Variants in LRRC7 observed in about 807,000 individuals in gnomAD.
LRRC7 encodes the protein leucine-rich repeat-containing protein 7.
In LRRC7, 23 loss-of-function variants were observed where a neutral mutation model predicts 175.7. The observed-to-expected ratio is 0.13, with a 90% confidence interval of 0.09 to 0.19. LRRC7 has a LOEUF of 0.19. Ranked by LOEUF, LRRC7 falls within the 10% of genes least tolerant of loss-of-function variation. The pLI, the probability that LRRC7 is intolerant of heterozygous loss-of-function variation, is 1.00. For synonymous variants in LRRC7, 685 were observed against 680.9 expected (o/e 1.01, Z -0.09); for missense variants, 1,354 against 1,904.7 (o/e 0.71, Z 5.38).
chr1:70,076,214 T>C lies in LRRC7; in HGVS notation c.4368T>C (p.Ser1456=). The part of the protein sequence containing the change: ...FQSPLPIQIP[S]SQATRGPQPG... ...CACCATTGCCTATTCAGATCCCCTCTTCACAGGCCACCCGGGGACCTCAGC... is the reference window on the plus strand; with the variant it reads ...CACCATTGCCTATTCAGATCCCCTCCTCACAGGCCACCCGGGGACCTCAGC... The change falls in exon 24 of 27, where the codon TCT becomes TCC. Residue 1456 remains serine (S), a synonymous_variant. Coordinates refer to ENST00000651989, the MANE Select transcript of LRRC7 (RefSeq NM_001370785.2). 1.2e-6 allele frequency: 2 copies of C among 1,614,082 alleles called. No individual in the cohort carries two copies. Among genetic ancestry groups the C allele is most frequent in the Non-Finnish European group, 1.7e-6 (2 of 1,179,984 alleles).
intron 7 of LRRC7, among the ~76,000 whole-genome samples, chr1:69,912,761 T>C (rs1450979652): frequency 6.6e-6 from 1 of 152,210 alleles, no homozygotes; most frequent in South Asian, 2.1e-4. Flanking sequence ...TAGAAAGTAA[T>C]AAAATTCAGG....
intron 3 of LRRC7, among the ~76,000 whole-genome samples, chr1:69,772,032 A>C (rs1672298641): frequency 1.3e-5 from 2 of 152,110 alleles, no homozygotes; most frequent in African/African-American, 4.8e-5. Flanking sequence ...GAGGCAGGAG[A>C]ATCGCTTGAA....
chr1:69,670,612 G>A (rs181077985), intron 1 of LRRC7, among the ~76,000 whole-genome samples: 91 of 152,264 alleles, frequency 6.0e-4, no homozygotes, highest in Non-Finnish European at 9.0e-4. Context: ...GTTCCCCCTG[G>A]CCCCAGGGAG....
intron 8 of LRRC7, among the ~76,000 whole-genome samples, chr1:69,966,740 G>T (rs1195968713): frequency 6.6e-6 from 1 of 152,204 alleles, no homozygotes; most frequent in African/African-American, 2.4e-5. Context: ...GATTACAGAA[G>T]AAGATTCTGA....
chr1:69,570,338 G>A (rs1645689490), intron 1 of LRRC7, among the ~76,000 whole-genome samples: 1 of 148,964 alleles, frequency 6.7e-6, no homozygotes, highest in South Asian at 2.2e-4. Flanking sequence ...TAATAATAAA[G>A]TTGATCGGAG....
chr1:69,620,908 C>G (rs991118374), intron 1 of LRRC7, among the ~76,000 whole-genome samples: 1 of 152,082 alleles, frequency 6.6e-6, no homozygotes, highest in Admixed American at 6.6e-5. Context: ...TTTTGTTATC[C>G]CTGTTTCACA....
chr1:69,978,349 A>G (rs1653052870), intron 8 of LRRC7, among the ~76,000 whole-genome samples: 1 of 151,604 alleles, frequency 6.6e-6, no homozygotes, highest in Non-Finnish European at 1.5e-5. Context: ...GGAGCAACAC[A>G]TGAGTGATGT....
At chr1:70,051,263 T>G (rs572055336) in intron 22 of LRRC7, among the ~76,000 whole-genome samples, 1 of 151,998 alleles carries the variant, frequency 6.6e-6, no homozygotes, top group South Asian at 2.1e-4. Flanking sequence ...TTCTTAAAAA[T>G]CTACATTGCA....
At chr1:69,917,844 T>C (rs912535758) in intron 7 of LRRC7, among the ~76,000 whole-genome samples, 1 of 152,196 alleles carries the variant, frequency 6.6e-6, no homozygotes, top group African/African-American at 2.4e-5. Context: ...ATTGCATATA[T>C]AAGATTATGT....
chr1:69,670,228 G>A (rs1020654149), intron 1 of LRRC7, among the ~76,000 whole-genome samples: 5 of 152,174 alleles, frequency 3.3e-5, no homozygotes, highest in Admixed American at 6.5e-5. Flanking sequence ...TTCCTGGGAA[G>A]GCTTTCAAGG....
At chr1:70,073,059 T>C (rs1239855394) in intron 23 of LRRC7, among the ~76,000 whole-genome samples, 1 of 152,192 alleles carries the variant, frequency 6.6e-6, no homozygotes, top group Non-Finnish European at 1.5e-5. Flanking sequence ...ACTTGGGAAA[T>C]GTACTTAACC....
chr1:69,844,669 G>C (rs536074661), intron 7 of LRRC7, among the ~76,000 whole-genome samples: 22 of 152,158 alleles, frequency 1.4e-4, no homozygotes, highest in Admixed American at 1.3e-4. Context: ...ATCTCTTCAA[G>C]ATCCCGGGGT....
At chr1:69,655,802 T>C (rs1465099740) in intron 1 of LRRC7, among the ~76,000 whole-genome samples, 1 of 152,064 alleles carries the variant, frequency 6.6e-6, no homozygotes, top group African/African-American at 2.4e-5. Context: ...ATGTAAATGA[T>C]TTAAAACATA....
chr1:69,754,684 A>G (rs1018659439), intron 2 of LRRC7, among the ~76,000 whole-genome samples: 5 of 152,168 alleles, frequency 3.3e-5, no homozygotes, highest in Non-Finnish European at 7.4e-5. Flanking sequence ...CCAGCGTCCA[A>G]GCTCCTGACA....
At chr1:69,693,591 C>T (rs1258092488) in intron 2 of LRRC7, among the ~76,000 whole-genome samples, 2 of 147,700 alleles carry the variant, frequency 1.4e-5, no homozygotes, top group Non-Finnish European at 1.5e-5. Flanking sequence ...GACCCACTCA[C>T]ATTATGCAGG....
intron 22 of LRRC7, among the ~76,000 whole-genome samples, chr1:70,044,831 T>A (rs1660203602): frequency 6.6e-6 from 1 of 152,202 alleles, no homozygotes; most frequent in Non-Finnish European, 1.5e-5. Context: ...CTGTCTTAGT[T>A]ACATTTTAGT....
chr1:69,970,749 G>C (rs1038419501), intron 8 of LRRC7, among the ~76,000 whole-genome samples: 2 of 152,068 alleles, frequency 1.3e-5, no homozygotes, highest in African/African-American at 2.4e-5. Flanking sequence ...ACCAGATAGA[G>C]AAAGAGGGAA....
intron 3 of LRRC7, among the ~76,000 whole-genome samples, chr1:69,791,378 A>C (rs1047731819): frequency 1.3e-5 from 2 of 152,032 alleles, no homozygotes; most frequent in Non-Finnish European, 2.9e-5. Context: ...CATCTACCTC[A>C]ACCAGTGAAT....
At chr1:69,782,897 A>G (rs1193648422) in intron 3 of LRRC7, among the ~76,000 whole-genome samples, 1 of 152,222 alleles carries the variant, frequency 6.6e-6, no homozygotes, top group Admixed American at 6.5e-5. Flanking sequence ...ATGCATGCAC[A>G]TGTGCATATG....
Sources: allele counts gnomAD v4.1 joint callset (sites outside exome capture counted in the v4.1 genomes callset), GRCh38; gene constraint gnomAD v4.1.1; transcripts MANE v1.5; gene names NCBI Gene and HGNC (gene_info 2026-07-23, HGNC 2026-07-21).